The following PCMT1 variants were observed in gnomAD, a reference collection of about 807,000 sequenced individuals.
PCMT1 encodes the protein protein-L-isoaspartate (D-aspartate) O-methyltransferase, also known as protein-L-isoaspartate(D-aspartate) O-methyltransferase.
PCMT1 carries 9 observed loss-of-function variants against 29.2 expected under a neutral mutation model. The observed-to-expected ratio is 0.31, with a 90% confidence interval of 0.19 to 0.54. The LOEUF is 0.54. PCMT1 is among the 20% of genes least tolerant of loss of function. PCMT1 has a pLI of 0.95. For synonymous variants in PCMT1, 98 were observed against 97.5 expected, an observed-to-expected ratio of 1.00 and a Z score of -0.03; for missense variants, 184 against 282.2, an observed-to-expected ratio of 0.65 and a Z score of 2.49.
chr6:149,804,238 A>G (rs564976852), intron 7 of PCMT1, among the ~76,000 whole-genome samples: 2 of 152,236 alleles, frequency 1.3e-5, no homozygotes, highest in South Asian at 4.1e-4. Context: ...TTATTGTAGT[A>G]TAAAAGGGGC....
chr6:149,801,913 G>T (rs890188535), intron 6 of PCMT1, among the ~76,000 whole-genome samples: 1 of 152,080 alleles, frequency 6.6e-6, no homozygotes, highest in African/African-American at 2.4e-5. Context: ...TGGAGTACTT[G>T]AGGTTAGGAG....
rs1004948524 is a variant in PCMT1, at chr6:149,786,963, C to T, written c.193-2991C>T. The stretch of plus-strand genomic sequence containing the variant: ...TAGAGGTTGTAGCTAGCCGAGATCA[C>T]GCCACTGCACTCCAGCCTGGGCACC... On this transcript the variant is annotated intron_variant, in intron 3 of 7. Transcript: ENST00000464889. Among the ~76,000 whole-genome samples the T allele has an allele frequency of 2.1e-3, 279 of 133,186 alleles. 1 individual carries two copies. Among genetic ancestry groups the T allele is most frequent in the African/African-American group, 8.6e-3 (263 of 30,618 alleles). The allele number at this position is 133,186 out of a possible 152,430, so 87.4% of individuals were successfully genotyped here. A position where few individuals can be genotyped will look rare whatever the true frequency, so the allele number is the denominator to read the frequency against.
intron 3 of PCMT1, among the ~76,000 whole-genome samples, chr6:149,781,315 C>G (rs1433326875): frequency 6.6e-6 from 1 of 151,648 alleles, no homozygotes; most frequent in Non-Finnish European, 1.5e-5. Context: ...CAACCTCCGC[C>G]TCCCAGGTTC....
intron 5 of PCMT1, among the ~76,000 whole-genome samples, chr6:149,795,899 C>T (rs1326808846): frequency 6.6e-6 from 1 of 152,124 alleles, no homozygotes; most frequent in East Asian, 1.9e-4. Flanking sequence ...CTTTTCAGTT[C>T]CGTTATCTCC....
chr6:149,786,152 C>T (rs1184302141), intron 3 of PCMT1, among the ~76,000 whole-genome samples: 1 of 94,496 alleles, frequency 1.1e-5, no homozygotes, highest in Non-Finnish European at 1.8e-5. Flanking sequence ...GGCGGCTGGC[C>T]GGGCGGGGGG....
chr6:149,807,652 T>A (rs147966653), intron 7 of PCMT1, among the ~76,000 whole-genome samples: 1 of 152,214 alleles, frequency 6.6e-6, no homozygotes, highest in African/African-American at 2.4e-5. Flanking sequence ...ATTACAGGTG[T>A]GAGCCACCAC....
intron 3 of PCMT1, among the ~76,000 whole-genome samples, chr6:149,785,883 C>T (rs1360241357): frequency 8.5e-5 from 13 of 152,302 alleles, no homozygotes; most frequent in African/African-American, 2.4e-4. Flanking sequence ...TCCACAAAGC[C>T]GCCATTGTCA....
chr6:149,787,801 C>A (rs1300482255), intron 3 of PCMT1, among the ~76,000 whole-genome samples: 2 of 149,534 alleles, frequency 1.3e-5, no homozygotes, highest in African/African-American at 5.0e-5. Flanking sequence ...TTTATTCTCT[C>A]TCCCTTTATC....
Position 149,810,710 on chromosome 6 carries a change from C to A in PCMT1, c.*132C>A. The A allele has an allele frequency of 9.6e-7, 1 of 1,042,848 alleles. No homozygotes were observed. Among genetic ancestry groups the A allele is most frequent in the South Asian group, 1.4e-5 (1 of 72,004 alleles). The allele number at this position is 1,042,848 out of a possible 1,614,324, so 64.6% of individuals were successfully genotyped here. A position where few individuals can be genotyped will look rare whatever the true frequency, so the allele number is the denominator to read the frequency against. On this transcript the variant is annotated 3_prime_UTR_variant, in exon 8 of 8. Coordinates refer to ENST00000464889, the MANE Select transcript of PCMT1 (RefSeq NM_001360452.2). Reference sequence around the variant, plus strand: ...AAAGCTTTTTGAAAACCAACACCATCACAGCTTGTTTTGGACTTTGTTACA... The same window carrying A: ...AAAGCTTTTTGAAAACCAACACCATAACAGCTTGTTTTGGACTTTGTTACA...
At chr6:149,780,093 C>G (rs1053840014) in intron 3 of PCMT1, among the ~76,000 whole-genome samples, 5 of 152,104 alleles carry the variant, frequency 3.3e-5, no homozygotes, top group African/African-American at 1.2e-4. Flanking sequence ...AATTCCAGCA[C>G]TTTGGGAGGC....
At chr6:149,801,985 TG>T (rs1409840990) in intron 6 of PCMT1, among the ~76,000 whole-genome samples, 1 of 151,956 alleles carries the variant, frequency 6.6e-6, no homozygotes, top group Non-Finnish European at 1.5e-5. Context: ...AAAAATTAGC[TG>T]GGCATGGTGG....
chr6:149,774,224 CTTTTCTTTTCT>C (rs771648332), intron 3 of PCMT1, among the ~76,000 whole-genome samples: 10 of 144,134 alleles, frequency 6.9e-5, no homozygotes, highest in African/African-American at 1.2e-4. Flanking sequence ...AGAACAATAG[CTTTTCTTTTCT>C]TTTTCTTTTC....
At chr6:149,803,547 G>T in intron 7 of PCMT1, among the ~76,000 whole-genome samples, 1 of 151,326 alleles carries the variant, frequency 6.6e-6, no homozygotes, top group Non-Finnish European at 1.5e-5. Context: ...TTCCATGAGA[G>T]AGAGTGACAT....
intron 1 of PCMT1, among the ~76,000 whole-genome samples, chr6:149,766,492 C>G (rs1286804572): frequency 6.6e-6 from 1 of 152,176 alleles, no homozygotes. Context: ...AGTGTAACCC[C>G]CAACTTCATT....
intron 5 of PCMT1, chr6:149,796,142 G>A (rs1788603328): frequency 7.5e-6 from 2 of 267,708 alleles, no homozygotes; most frequent in Non-Finnish European, 1.4e-5. Context: ...AAAAAAAAGA[G>A]TTGTGAGATA....
rs947168401 is a variant in PCMT1, at chr6:149,750,425, C to G, written c.55+469C>G. 6.6e-5 allele frequency among the ~76,000 whole-genome samples: 10 copies of G among 152,260 alleles called. No individual in the cohort carries two copies. The East Asian group carries it at 1.3e-3, about 21-fold the overall frequency. ...TAATCAACCTCGCTGCAAGCTTTCC[C>G]TCTTATGCAGCCTCCCCCGCCCTCC... On this transcript the variant is annotated intron_variant, in intron 1 of 7. Coordinates refer to ENST00000464889, the MANE Select transcript of PCMT1 (RefSeq NM_001360452.2).
At chr6:149,749,732 C>T (rs1450913307), upstream of PCMT1, 1 of 1,544,224 alleles carries the variant, frequency 6.5e-7, no homozygotes, top group Non-Finnish European at 8.7e-7. Context: ...CGGGGGATGC[C>T]GGGAGCGCGC....
intron 3 of PCMT1, among the ~76,000 whole-genome samples, 159 bp from the exon 4 acceptor site, chr6:149,789,795 A>G (rs1175725989): frequency 2.6e-5 from 4 of 152,182 alleles, no homozygotes; most frequent in Non-Finnish European, 2.9e-5. Context: ...ATTCTAATCA[A>G]ACAGTTTACT....
chr6:149,806,357 G>A (rs146279059), intron 7 of PCMT1, among the ~76,000 whole-genome samples: 1 of 152,298 alleles, frequency 6.6e-6, no homozygotes, highest in South Asian at 2.1e-4. Flanking sequence ...AGACTAGCCT[G>A]GGAAGGGACA....
Sources: gnomAD v4.1 joint callset for allele counts (sites outside exome capture counted in the v4.1 genomes callset) on GRCh38, gnomAD v4.1.1 for gene constraint, MANE v1.5 for transcripts, NCBI Gene and HGNC (gene_info 2026-07-23, HGNC 2026-07-21) for gene names.